SGSM2: variants seen among roughly 807,000 people sequenced by gnomAD.
SGSM2 encodes small G protein signaling modulator 2.
SGSM2 carries 89 observed loss-of-function variants against 126.6 expected under a neutral mutation model. That is an observed-to-expected ratio of 0.70 (90% CI 0.59 to 0.84). The LOEUF is 0.84. Among genes scored for constraint, SGSM2 ranks in the 40% least tolerant of loss-of-function variants. The pLI is 0.00. For missense variants in SGSM2, 1,404 were observed against 1,416.6 expected (o/e 0.99, Z 0.14); for synonymous variants, 614 against 574.3 (o/e 1.07, Z -0.99).
Position 2,363,636 on chromosome 17 carries a change from T to C in SGSM2, c.807+37T>C. ...TCATCCTGCCATCCCTCCCCGAAGG[T>C]CCCCGAACGAGACGACTGGAAGCCT... On this transcript the variant is annotated intron_variant, in intron 7 of 23. Transcript: ENST00000268989. This position sits in a 1 kb window ranked among gnomAD's most constrained non-coding sequence, Gnocchi z 4.2. 6.2e-7 allele frequency: 1 copy of C among 1,604,044 alleles called. No homozygotes were observed. Among genetic ancestry groups the C allele is most frequent in the East Asian group, 2.2e-5 (1 of 44,578 alleles).
In SGSM2 at chr17:2,358,873, G is replaced by GTTTT. The variant is rs759581510; in HGVS notation, c.134-2746_134-2743dup. ...GGGGCTCTTTTTTGTTGTTGTTGTT[G>GTTTT]TTTTTTTTTTTTTTTTTTTTTGAGA... is the stretch of plus-strand genomic sequence containing the variant. On this transcript the variant is annotated intron_variant, in intron 2 of 23. Transcript: ENST00000268989. Among the ~76,000 whole-genome samples the GTTTT allele has an allele frequency of 2.3e-3, 201 of 88,096 alleles. 3 individuals carry two copies. Among genetic ancestry groups the GTTTT allele is most frequent in the Middle Eastern group, 0.012 (2 of 162 alleles). The allele number at this position is 88,096 out of a possible 152,430, so 57.8% of individuals were successfully genotyped here.
At position 2,370,518 on chromosome 17, in the gene SGSM2, C is replaced by T. The variant is rs147977974; in HGVS notation, c.1424-744C>T. ...GGCCTCTGTGCCCAGCCACCACTCC[C>T]GGCCCCGCAGTGGCCTCGTAGTCCT... On this transcript the variant is annotated intron_variant, in intron 12 of 23. Transcript: ENST00000268989. Among the ~76,000 whole-genome samples, 396 of 152,398 alleles carry T rather than the reference C, an allele frequency of 2.6e-3. 2 individuals are homozygous for T. Among genetic ancestry groups the T allele is most frequent in the African/African-American group, 9.1e-3 (379 of 41,602 alleles).
intron 2 of SGSM2, among the ~76,000 whole-genome samples, chr17:2,357,985 A>AG (rs983176245): frequency 6.6e-6 from 1 of 152,234 alleles, no homozygotes; most frequent in African/African-American, 2.4e-5. Flanking sequence ...CCACTGGATC[A>AG]GGGGTCCTGA....
At position 2,380,450 on chromosome 17, in the gene SGSM2, T is replaced by C. The variant is rs1401699058; in HGVS notation, c.*930T>C. 1.0e-5 allele frequency: 8 copies of C among 769,230 alleles called. No individual in the cohort carries two copies. The Admixed American group carries it at 1.1e-4, about 10-fold the overall frequency. The allele number at this position is 769,230 out of a possible 1,614,324, so 47.7% of individuals were successfully genotyped here. ...CATTATCTGTCGCAGACATCTGCCA[T>C]GTCCCTGAGACTGCGGGAGGCAGGG... On this transcript the variant is annotated 3_prime_UTR_variant, in exon 24 of 24. Transcript: ENST00000268989.
intron 2 of SGSM2, among the ~76,000 whole-genome samples, chr17:2,345,559 G>A (rs1305836520): frequency 2.1e-5 from 3 of 142,228 alleles, no homozygotes; most frequent in Non-Finnish European, 4.5e-5. Flanking sequence ...TCGCGCCACT[G>A]CACTCCAGCC....
intron 2 of SGSM2, among the ~76,000 whole-genome samples, chr17:2,346,305 C>T (rs575386449): frequency 2.6e-5 from 4 of 152,234 alleles, no homozygotes; most frequent in East Asian, 1.9e-4. Flanking sequence ...AACTCCACAC[C>T]GACCCATGGT....
intron 2 of SGSM2, among the ~76,000 whole-genome samples, chr17:2,352,231 T>C (rs1376285114): frequency 3.9e-5 from 6 of 152,216 alleles, no homozygotes; most frequent in African/African-American, 1.4e-4. Context: ...CCGGCATTGT[T>C]GGTTCCACCA....
At chr17:2,338,974 G>A (rs992936745) in intron 1 of SGSM2, among the ~76,000 whole-genome samples, 2 of 151,686 alleles carry the variant, frequency 1.3e-5, no homozygotes, top group Non-Finnish European at 2.9e-5. Context: ...CAGGAGAATC[G>A]CTGGAACCTG....
At chr17:2,371,136 C>T (rs1241128038) in intron 12 of SGSM2, 126 bp from the exon 13 acceptor site, 81 of 1,103,432 alleles carry the variant, frequency 7.3e-5, no homozygotes, top group Non-Finnish European at 8.7e-6. Context: ...GCAGGCCCCA[C>T]CTCTGTGATT....
intron 1 of SGSM2, among the ~76,000 whole-genome samples, chr17:2,339,365 G>A (rs2064244092): frequency 6.6e-6 from 1 of 152,116 alleles, no homozygotes. Flanking sequence ...GAACCCAGGA[G>A]GTGTGGTTGC....
At position 2,372,007 on chromosome 17, in the gene SGSM2, G is replaced by C. The variant is rs1597382174; in HGVS notation, c.1578-183G>C. ...TTGGGGGCCAGGCGGGGGCCCCACA[G>C]CACTCTGTCCAGGTGGCAGGCAGGG... is the stretch of plus-strand genomic sequence containing the variant. On this transcript the variant is annotated intron_variant, in intron 13 of 23. Coordinates refer to ENST00000268989, the MANE Select transcript of SGSM2 (RefSeq NM_014853.3). The surrounding 1 kb of genome is among the most constrained non-coding windows in gnomAD (Gnocchi z 6.0). 1.5e-6 allele frequency: 1 copy of C among 670,870 alleles called. No homozygotes were observed. Among genetic ancestry groups the C allele is most frequent in the East Asian group, 2.8e-5 (1 of 36,110 alleles). The allele number at this position is 670,870 out of a possible 1,614,324, so 41.6% of individuals were successfully genotyped here. A position where few individuals can be genotyped will look rare whatever the true frequency, so the allele number is the denominator to read the frequency against.
intron 16 of SGSM2, 65 bp downstream of exon 16, chr17:2,373,146 G>C: frequency 1.3e-6 from 2 of 1,594,362 alleles, no homozygotes; most frequent in Non-Finnish European, 1.7e-6. Context: ...CGCCAGGGAG[G>C]GGACCTTGGA....
chr17:2,378,834 C>A (rs978460718), intron 22 of SGSM2, among the ~76,000 whole-genome samples: 4 of 152,168 alleles, frequency 2.6e-5, no homozygotes, highest in African/African-American at 7.2e-5. Flanking sequence ...GAGAATCCCA[C>A]GACTTTGGCC....
intron 2 of SGSM2, among the ~76,000 whole-genome samples, chr17:2,345,323 G>A (rs903088735): frequency 2.6e-5 from 4 of 151,706 alleles, no homozygotes; most frequent in African/African-American, 4.8e-5. Context: ...TTAGCAGGGC[G>A]TGGTGGCGGG....
chr17:2,376,724 G>A lies in SGSM2; in HGVS notation c.2610-9G>A. On this transcript the variant is annotated splice_polypyrimidine_tract_variant and intron_variant, in intron 19 of 23. Coordinates refer to ENST00000268989, the MANE Select transcript of SGSM2 (RefSeq NM_014853.3). ...GCACAGCCACAGTGACTCTCCCCCT[G>A]CCTTTCAGCTACGTGTGGGAGCACC... The A allele has an allele frequency of 6.2e-7, 1 of 1,609,292 alleles. No homozygotes were observed. Among genetic ancestry groups the A allele is most frequent in the Non-Finnish European group, 8.5e-7 (1 of 1,175,620 alleles).
Position 2,379,870 on chromosome 17 carries a change from A to C in SGSM2, c.*350A>C. On this transcript the variant is annotated 3_prime_UTR_variant, in exon 24 of 24. Coordinates refer to ENST00000268989, the MANE Select transcript of SGSM2 (RefSeq NM_014853.3). Reference sequence around the variant, plus strand: ...AGTGAACCTGGGGCCCCACAGGATTAACAGGGGCTATAGCGGCCTGGGCCC... The same window carrying C: ...AGTGAACCTGGGGCCCCACAGGATTCACAGGGGCTATAGCGGCCTGGGCCC... The C allele has an allele frequency of 1.5e-6, 2 of 1,302,852 alleles. No homozygotes were observed. The highest frequency in any genetic ancestry group is 4.1e-5 in the South Asian group (2 of 49,230). The allele number at this position is 1,302,852 out of a possible 1,614,324, so 80.7% of individuals were successfully genotyped here.
At chr17:2,358,873 G>GTTTTTGTTT (rs1567817339) in intron 2 of SGSM2, among the ~76,000 whole-genome samples, 2 of 88,212 alleles carry the variant, frequency 2.3e-5, no homozygotes, top group Admixed American at 1.1e-4. Flanking sequence ...TGTTGTTGTT[G>GTTTTTGTTT]TTTTTTTTTT....
In SGSM2 at chr17:2,337,744, A is replaced by T; in HGVS notation, c.56A>T (p.Glu19Val). ...KEKLLWNVKK[E>V]VKQIMEEAVT... is the part of the protein sequence containing the mutation. ...AAACTGCTGTGGAACGTGAAGAAGG[A>T]GGTAAAGTCGAGTCAAGAACCCCGG... The change falls in exon 1 of 24, where the codon GAG (glutamate) becomes GTG (valine). Residue 19 changes from glutamate to valine, a missense_variant and splice_region_variant. Coordinates refer to ENST00000268989, the MANE Select transcript of SGSM2 (RefSeq NM_014853.3). The surrounding 1 kb of genome is among the most constrained non-coding windows in gnomAD (Gnocchi z 5.1). 6.5e-7 allele frequency: 1 copy of T among 1,535,806 alleles called. No individual in the cohort carries two copies. The highest frequency in any genetic ancestry group is 8.8e-7 in the Non-Finnish European group (1 of 1,138,200).
At chr17:2,371,461 C>T (rs759422325) in intron 13 of SGSM2, 46 bp downstream of exon 13, 72 of 1,544,818 alleles carry the variant, frequency 4.7e-5, no homozygotes, top group Non-Finnish European at 6.0e-5. Flanking sequence ...GCGTGTCCAG[C>T]CACGTGTGTG....
Sources: allele counts gnomAD v4.1 joint callset (sites outside exome capture counted in the v4.1 genomes callset), GRCh38; gene constraint gnomAD v4.1.1; non-coding constraint Gnocchi (gnomAD v3.1); transcripts MANE v1.5; gene names NCBI Gene and HGNC (gene_info 2026-07-23, HGNC 2026-07-21).